The following CRB1 variants were observed in gnomAD, a reference collection of about 807,000 sequenced individuals.
CRB1 encodes protein crumbs homolog 1.
A neutral mutation model predicts 120.0 loss-of-function variants in CRB1; 83 were observed. The observed-to-expected ratio is 0.69, with a 90% CI of 0.58 to 0.83. The LOEUF is 0.83. CRB1 is among the 40% of genes least tolerant of loss of function. The probability of loss-of-function intolerance (pLI) is 0.00; values close to 1 mark genes in which losing one functional copy is unlikely to be tolerated. For missense variants in CRB1, 1,699 were observed against 1,687.6 expected, an observed-to-expected ratio of 1.01 and a Z score of -0.12; for synonymous variants, 625 against 612.5, an observed-to-expected ratio of 1.02 and a Z score of -0.30.
At chr1:197,415,045 T>A (rs1663904369) in intron 5 of CRB1, among the ~76,000 whole-genome samples, 1 of 152,170 alleles carries the variant, frequency 6.6e-6, no homozygotes, top group African/African-American at 2.4e-5. Flanking sequence ...TGCTTTTCTG[T>A]TTATATTTAA....
intron 1 of CRB1, among the ~76,000 whole-genome samples, chr1:197,324,086 G>C (rs1658357522): frequency 6.6e-6 from 1 of 152,196 alleles, no homozygotes; most frequent in Admixed American, 6.5e-5. Flanking sequence ...AGATACAGGT[G>C]ATGTCAATGA....
At chr1:197,363,870 C>A in intron 5 of CRB1, 1 of 951,158 alleles carries the variant, frequency 1.1e-6, no homozygotes, top group South Asian at 1.3e-5. Flanking sequence ...AGGAAGGGAA[C>A]GTGGAAGGTG....
chr1:197,386,297 C>CTTT (rs1662214633), intron 5 of CRB1, among the ~76,000 whole-genome samples: 1 of 152,122 alleles, frequency 6.6e-6, no homozygotes, highest in African/African-American at 2.4e-5. Context: ...AACACCCTGG[C>CTTT]ACATAGTAAG....
In CRB1 at chr1:197,421,751, C is replaced by T; in HGVS notation, c.1923C>T (p.Gly641=). 1 of 1,614,116 alleles carries T rather than the reference C, an allele frequency of 6.2e-7. No homozygotes were observed. Among genetic ancestry groups the T allele is most frequent in the Non-Finnish European group, 8.5e-7 (1 of 1,180,014 alleles). The part of the protein sequence containing the change: ...YNMPSTPSFV[G]CLQDIKIDWN... Reference sequence around the variant, plus strand: ...TGCCATCCACACCTTCGTTTGTAGGCTGTCTCCAAGACATTAAAATTGATT... The same window carrying T: ...TGCCATCCACACCTTCGTTTGTAGGTTGTCTCCAAGACATTAAAATTGATT... Residue 641 remains glycine (G), a synonymous_variant, in exon 6 of 12, where the codon GGC becomes GGT. Coordinates refer to ENST00000367400, the MANE Select transcript of CRB1 (RefSeq NM_201253.3).
At chr1:197,339,366 C>T (rs985090964) in intron 2 of CRB1, among the ~76,000 whole-genome samples, 3 of 152,170 alleles carry the variant, frequency 2.0e-5, no homozygotes, top group African/African-American at 7.2e-5. Context: ...TGCTCTGATA[C>T]TTGTGTCACC....
chr1:197,263,718 A>G (rs1654567039), upstream of CRB1, among the ~76,000 whole-genome samples: 1 of 151,616 alleles, frequency 6.6e-6, no homozygotes, highest in African/African-American at 2.4e-5. Context: ...AGAACTTTCT[A>G]TTTTCCGTGT....
chr1:197,256,260 C>T, the CRB1 span, among the ~76,000 whole-genome samples: 1 of 151,680 alleles, frequency 6.6e-6, no homozygotes, highest in African/African-American at 2.4e-5. Flanking sequence ...GATTCTCCTT[C>T]TACTCACTGG....
intron 7 of CRB1, among the ~76,000 whole-genome samples, chr1:197,428,377 C>T (rs1664704794): frequency 6.6e-6 from 1 of 152,146 alleles, no homozygotes; most frequent in Non-Finnish European, 1.5e-5. Flanking sequence ...ATTTTAAATG[C>T]CCAACTACTA....
At chr1:197,271,676 TC>T (rs1239880754) in intron 1 of CRB1, among the ~76,000 whole-genome samples, 1 of 152,200 alleles carries the variant, frequency 6.6e-6, no homozygotes, top group African/African-American at 2.4e-5. Flanking sequence ...TCTCCTGTGA[TC>T]CATTATTCAG....
At chr1:197,429,362 T>TA in intron 7 of CRB1, 87 bp from the exon 8 acceptor site, 3 of 1,512,732 alleles carry the variant, frequency 2.0e-6, no homozygotes, top group South Asian at 2.3e-5. Flanking sequence ...ATTAGCATTT[T>TA]AAAAAAACAG....
intron 10 of CRB1, chr1:197,439,061 A>G (rs1473634409): frequency 3.7e-6 from 1 of 273,752 alleles, no homozygotes; most frequent in Non-Finnish European, 7.1e-6. Context: ...CTACAACCCA[A>G]AAGTATATAT....
intron 4 of CRB1, among the ~76,000 whole-genome samples, chr1:197,354,810 GCCCCCCGC>G (rs1660353208): frequency 4.8e-4 from 1 of 2,064 alleles, no homozygotes; most frequent in African/African-American, 1.3e-3. Context: ...TCCCTTATCT[GCCCCCCGC>G]CCCCCCACCC....
chr1:197,469,378 T>A (rs1343936656), intron 11 of CRB1, among the ~76,000 whole-genome samples: 1 of 152,036 alleles, frequency 6.6e-6, no homozygotes, highest in Non-Finnish European at 1.5e-5. Flanking sequence ...TAAAAGTGTG[T>A]AGAGAATAGA....
chr1:197,435,206 G>A lies in CRB1; in HGVS notation c.3343G>A (p.Gly1115Ser). Residue 1115 changes from glycine to serine, a missense_variant, in exon 9 of 12, where the codon GGT becomes AGT. Gly to Ser is a moderately conservative substitution (Grantham distance 56, BLOSUM62 0). Transcript: ENST00000367400. ...TCTCTCTTACTTTGAAAATGTTCAT[G>A]GTTTCATTAATAAACCTCAGGAAGA... ...IYLSYFENVH[G>S]FINKPQEEQF... is the part of the protein sequence containing the mutation. 6.2e-7 allele frequency: 1 copy of A among 1,613,874 alleles called. No homozygotes were observed. The highest frequency in any genetic ancestry group is 1.7e-5 in the Admixed American group (1 of 59,970).
At chr1:197,360,900 A>G (rs1433393831) in intron 5 of CRB1, among the ~76,000 whole-genome samples, 4 of 152,174 alleles carry the variant, frequency 2.6e-5, no homozygotes, top group Non-Finnish European at 4.4e-5. Context: ...ATGAATTTTT[A>G]TCGATGCTCT....
At chr1:197,284,140 C>T (rs1234707489) in intron 1 of CRB1, among the ~76,000 whole-genome samples, 12 of 151,930 alleles carry the variant, frequency 7.9e-5, no homozygotes, top group Non-Finnish European at 1.8e-4. Context: ...CACTCTATGA[C>T]GTCTTAACTT....
At chr1:197,399,178 C>T (rs950366711) in intron 5 of CRB1, among the ~76,000 whole-genome samples, 1 of 152,128 alleles carries the variant, frequency 6.6e-6, no homozygotes, top group Non-Finnish European at 1.5e-5. Context: ...TATCCCCTAA[C>T]TCCACGCTGT....
intron 5 of CRB1, among the ~76,000 whole-genome samples, chr1:197,408,510 G>A (rs984016980): frequency 2.6e-5 from 4 of 152,084 alleles, no homozygotes; most frequent in Non-Finnish European, 5.9e-5. Context: ...AATATACTTG[G>A]CCTTTGATAT....
chr1:197,361,960 A>G (rs1421571419), intron 5 of CRB1, among the ~76,000 whole-genome samples: 1 of 151,658 alleles, frequency 6.6e-6, no homozygotes, highest in African/African-American at 2.4e-5. Context: ...TCTTTTTTCT[A>G]ATATATAAGC....
Sources: gnomAD v4.1 joint callset for allele counts (sites outside exome capture counted in the v4.1 genomes callset) on GRCh38, gnomAD v4.1.1 for gene constraint, MANE v1.5 for transcripts, NCBI Gene and HGNC (gene_info 2026-07-23, HGNC 2026-07-21) for gene names.